The following FAM193B variants were observed in gnomAD, a reference collection of about 807,000 sequenced individuals.
FAM193B encodes family with sequence similarity 193 member B, also known as protein FAM193B.
FAM193B carries 27 observed loss-of-function variants against 70.7 expected under a neutral mutation model. The observed-to-expected ratio is 0.38, with a 90% CI of 0.28 to 0.53. The LOEUF is 0.53. Ranked by LOEUF, FAM193B falls within the 20% of genes least tolerant of loss-of-function variation. The pLI is 0.81. For missense variants in FAM193B, 1,022 were observed against 1,072.5 expected (o/e 0.95, Z 0.66); for synonymous variants, 448 against 436.0 (o/e 1.03, Z -0.34).
chr5:177,549,047 T>C lies in FAM193B; in HGVS notation c.210+5202A>G, dbSNP rs181639797. The stretch of plus-strand genomic sequence containing the variant: ...TTGAAGACTCAGCTCTGAGAAGCAT[T>C]CTCTGACCCATCTTCCTCTAGGTTA... On this transcript the variant is annotated intron_variant, in intron 1 of 8. Transcript: ENST00000514747. 5.0e-3 allele frequency among the ~76,000 whole-genome samples: 760 copies of C among 152,250 alleles called. 3 individuals carry two copies. The highest frequency in any genetic ancestry group is 7.4e-3 in the Non-Finnish European group (500 of 68,026).
rs200390629 is a variant in FAM193B, at chr5:177,525,084, C to T, written c.1397G>A (p.Arg466Gln). 3.5e-4 allele frequency: 553 copies of T among 1,595,152 alleles called. No individual in the cohort carries two copies. Among genetic ancestry groups the T allele is most frequent in the Non-Finnish European group, 4.4e-4 (511 of 1,171,690 alleles). Residue 466 changes from arginine (R) to glutamine (Q), a missense_variant, in exon 6 of 9, where the codon CGG becomes CAG. Physicochemically the swap from Arg to Gln is conservative, Grantham distance 43. Transcript: ENST00000514747. ...LLEWPDRELD[R>Q]VNSFLSSRLQ... ...ACGGCTGCTCAGGAAGCTGTTGACC[C>T]GATCCAGTTCCCGGTCGGGCCACTC...
In FAM193B at chr5:177,554,007, G is replaced by A. The variant is rs372051832; in HGVS notation, c.210+242C>T. ...GGGTGTACGGCCGGAACGCCCGGAG[G>A]CGGCGGGGAGAGGGGAGCAGCTTCA... On this transcript the variant is annotated intron_variant, in intron 1 of 8. Coordinates refer to ENST00000514747, the MANE Select transcript of FAM193B (RefSeq NM_001190946.3). 277 of 1,300,836 alleles carry A rather than the reference G, an allele frequency of 2.1e-4. 3 individuals carry two copies. In the African/African-American group the frequency reaches 3.9e-3, roughly 18 times the overall value. The allele number at this position is 1,300,836 out of a possible 1,614,324, so 80.6% of individuals were successfully genotyped here. A position where few individuals can be genotyped will look rare whatever the true frequency, so the allele number is the denominator to read the frequency against.
At chr5:177,550,033 A>C (rs1362584184) in intron 1 of FAM193B, among the ~76,000 whole-genome samples, 1 of 152,192 alleles carries the variant, frequency 6.6e-6, no homozygotes, top group Non-Finnish European at 1.5e-5. Context: ...TTTAAAACTC[A>C]GCTGGGTGTA....
chr5:177,551,886 T>TAA (rs1485182674), intron 1 of FAM193B, among the ~76,000 whole-genome samples: 1 of 152,222 alleles, frequency 6.6e-6, no homozygotes, highest in Non-Finnish European at 1.5e-5. Flanking sequence ...ACCCTACCCT[T>TAA]ACACTAGGTG....
chr5:177,553,532 T>A (rs551076962), intron 1 of FAM193B: 5 of 1,143,568 alleles, frequency 4.4e-6, no homozygotes, highest in Non-Finnish European at 4.4e-6. Context: ...GAAAGTGACC[T>A]TCTTCCAGGT....
intron 1 of FAM193B, among the ~76,000 whole-genome samples, chr5:177,550,172 T>C (rs2127492687): frequency 6.6e-6 from 1 of 152,070 alleles, no homozygotes; most frequent in South Asian, 2.1e-4. Context: ...AAAATTAAAA[T>C]CCTAAGTGGG....
At chr5:177,552,383 A>G (rs769030769) in intron 1 of FAM193B, among the ~76,000 whole-genome samples, 2 of 152,246 alleles carry the variant, frequency 1.3e-5, no homozygotes, top group Non-Finnish European at 2.9e-5. Context: ...TCAGCAGGTC[A>G]AGTAGTGGAG....
intron 4 of FAM193B, among the ~76,000 whole-genome samples, chr5:177,534,777 C>A (rs1035684308): frequency 6.6e-6 from 1 of 152,060 alleles, no homozygotes; most frequent in Non-Finnish European, 1.5e-5. Context: ...CACATTATGC[C>A]CCACTAGTTT....
Position 177,532,753 on chromosome 5 carries a change from A to C in FAM193B, c.1077-112T>G. ...GCCCTTCACTTGCCCCACTCCACAGAGGTCCCAGGTGGTCCAACTACATTG... is the reference window on the plus strand; with the variant it reads ...GCCCTTCACTTGCCCCACTCCACAGCGGTCCCAGGTGGTCCAACTACATTG... On this transcript the variant is annotated intron_variant, in intron 4 of 8. Transcript: ENST00000514747. This position sits in a 1 kb window ranked among gnomAD's most constrained non-coding sequence, Gnocchi z 4.9. 1 of 1,032,248 alleles carries C rather than the reference A, an allele frequency of 9.7e-7. No individual in the cohort carries two copies. The highest frequency in any genetic ancestry group is 1.3e-6 in the Non-Finnish European group (1 of 747,006). The allele number at this position is 1,032,248 out of a possible 1,614,324, so 63.9% of individuals were successfully genotyped here.
At chr5:177,530,258 C>T (rs974863724) in intron 5 of FAM193B, among the ~76,000 whole-genome samples, 7 of 152,176 alleles carry the variant, frequency 4.6e-5, no homozygotes, top group Admixed American at 1.3e-4. Context: ...TACATCTCTG[C>T]GCTGGTAAAT....
chr5:177,550,991 CTAAGTT>C (rs1766153841), intron 1 of FAM193B, among the ~76,000 whole-genome samples: 2 of 142,334 alleles, frequency 1.4e-5, no homozygotes, highest in African/African-American at 5.1e-5. Context: ...CCATGCCCAG[CTAAGTT>C]TTGATTTTTT....
chr5:177,543,745 G>A (rs1252116418), intron 1 of FAM193B, among the ~76,000 whole-genome samples: 1 of 152,202 alleles, frequency 6.6e-6, no homozygotes, highest in Non-Finnish European at 1.5e-5. Flanking sequence ...CTTTGACTGT[G>A]ATCTGCTGCC....
At chr5:177,546,054 T>G (rs1385719644) in intron 1 of FAM193B, among the ~76,000 whole-genome samples, 1 of 152,220 alleles carries the variant, frequency 6.6e-6, no homozygotes, top group Non-Finnish European at 1.5e-5. Context: ...GAGAAAATGA[T>G]TAATCCTCAG....
intron 7 of FAM193B, among the ~76,000 whole-genome samples, chr5:177,522,432 C>T (rs554898858): frequency 5.2e-4 from 79 of 152,170 alleles, no homozygotes; most frequent in Non-Finnish European, 8.8e-4. Flanking sequence ...ATGCACAAAT[C>T]CCTTATATAA....
At chr5:177,543,283 C>A (rs1765062390) in intron 1 of FAM193B, among the ~76,000 whole-genome samples, 1 of 152,224 alleles carries the variant, frequency 6.6e-6, no homozygotes, top group Non-Finnish European at 1.5e-5. Context: ...AAGCTGCCCA[C>A]AGAACTGAGT....
intron 1 of FAM193B, among the ~76,000 whole-genome samples, chr5:177,548,584 A>G (rs917449675): frequency 1.1e-4 from 16 of 152,214 alleles, no homozygotes; most frequent in African/African-American, 2.9e-4. Flanking sequence ...AGACCCAGTC[A>G]CATGTCAGAG....
At chr5:177,549,015 C>T (rs1368859777) in intron 1 of FAM193B, among the ~76,000 whole-genome samples, 1 of 152,098 alleles carries the variant, frequency 6.6e-6, no homozygotes, top group Admixed American at 6.6e-5. Flanking sequence ...AGAACTTCTA[C>T]ACAACCTTGA....
At chr5:177,553,977 A>C in intron 1 of FAM193B, 1 of 1,261,386 alleles carries the variant, frequency 7.9e-7, no homozygotes, top group Non-Finnish European at 1.0e-6. Context: ...TCCCAGTCCC[A>C]GTGTGGGTGT....
rs1375060781 is a variant in FAM193B at position 177,554,421 on chromosome 5, C to A, written c.38G>T (p.Gly13Val). The A allele has an allele frequency of 5.5e-6, 6 of 1,097,984 alleles. No homozygotes were observed. The African/African-American group carries it at 1.0e-4, about 18-fold the overall frequency. The allele number at this position is 1,097,984 out of a possible 1,614,324, so 68.0% of individuals were successfully genotyped here. A position where few individuals can be genotyped will look rare whatever the true frequency, so the allele number is the denominator to read the frequency against. The change falls in exon 1 of 9, where the codon GGC becomes GTC. Residue 13 changes from glycine (G) to valine (V), a missense_variant. By Grantham distance (109) the Gly-to-Val change is moderately radical (BLOSUM62 -3). Coordinates refer to ENST00000514747, the MANE Select transcript of FAM193B (RefSeq NM_001190946.3). ...RRRSRPSGGA[G>V]RRERARAAGP... ...CGCGGCCCGAGCCCGCTCGCGCCTG[C>A]CCGCACCGCCGCTCGGCCTGCTCCG... is the stretch of plus-strand genomic sequence containing the variant.
Sources: gnomAD v4.1 joint callset for allele counts (sites outside exome capture counted in the v4.1 genomes callset) on GRCh38, gnomAD v4.1.1 for gene constraint, Gnocchi (gnomAD v3.1) non-coding constraint, MANE v1.5 for transcripts, NCBI Gene and HGNC (gene_info 2026-07-23, HGNC 2026-07-21) for gene names.